The following GRM5 variants were observed in gnomAD, a reference collection of about 807,000 sequenced individuals.
The protein encoded by GRM5 is metabotropic glutamate receptor 5.
GRM5 carries 19 observed loss-of-function variants against 83.1 expected under a neutral mutation model. The ratio of observed to expected loss-of-function variants is 0.23; its 90% CI spans 0.16 to 0.34. GRM5 has a LOEUF of 0.34. Among genes scored for constraint, GRM5 ranks in the 10% least tolerant of loss-of-function variants. The pLI is 1.00. For missense variants in GRM5, 1,160 were observed against 1,588.3 expected, an observed-to-expected ratio of 0.73 and a Z score of 4.58; for synonymous variants, 675 against 633.6, an observed-to-expected ratio of 1.07 and a Z score of -0.98.
At chr11:88,791,868 G>T (rs1013582849) in intron 3 of GRM5, among the ~76,000 whole-genome samples, 1 of 151,846 alleles carries the variant, frequency 6.6e-6, no homozygotes, top group African/African-American at 2.4e-5. Context: ...AAATTCATTT[G>T]GTTTTCACTG....
chr11:88,532,453 C>T (rs1942034546), intron 8 of GRM5, among the ~76,000 whole-genome samples: 1 of 152,030 alleles, frequency 6.6e-6, no homozygotes, highest in Admixed American at 6.5e-5. Flanking sequence ...TACAGAAAAT[C>T]CTATAAGGGA....
chr11:88,936,475 T>G (rs1184037886), intron 2 of GRM5, among the ~76,000 whole-genome samples: 1 of 151,706 alleles, frequency 6.6e-6, no homozygotes, highest in East Asian at 1.9e-4. Context: ...TCTCATACTT[T>G]CTTCTGTTTA....
At chr11:89,021,786 G>T (rs1360539963) in intron 2 of GRM5, among the ~76,000 whole-genome samples, 2 of 152,040 alleles carry the variant, frequency 1.3e-5, no homozygotes, top group Admixed American at 6.5e-5. Flanking sequence ...TCTATGATGG[G>T]GTTATAACGT....
chr11:88,653,063 G>A (rs1421246545), intron 4 of GRM5, 105 bp downstream of exon 4: 2 of 705,022 alleles, frequency 2.8e-6, no homozygotes, highest in East Asian at 5.3e-5. Context: ...ACTTATGTAA[G>A]AGTCCTCCCT....
In GRM5 at chr11:88,637,430, T is replaced by G. The variant is rs191523588; in HGVS notation, c.1147+15738A>C. On this transcript the variant is annotated intron_variant, in intron 4 of 9. Transcript: ENST00000305447. ...TCTGACAAAGGGCTAATATCCAGAA[T>G]CTACAGTGAACTCAAACAAATTTAC... Among the ~76,000 whole-genome samples, 800 of 152,090 alleles carry G rather than the reference T, an allele frequency of 5.3e-3. 6 individuals carry two copies. The highest frequency in any genetic ancestry group is 7.9e-3 in the Non-Finnish European group (540 of 67,976).
intron 2 of GRM5, among the ~76,000 whole-genome samples, chr11:88,893,777 C>T (rs1454183120): frequency 1.3e-5 from 2 of 151,928 alleles, no homozygotes; most frequent in Non-Finnish European, 2.9e-5. Flanking sequence ...CTGCTGTTCC[C>T]CACATGACGT....
chr11:88,663,047 T>G (rs1939947410), intron 3 of GRM5, among the ~76,000 whole-genome samples: 1 of 152,212 alleles, frequency 6.6e-6, no homozygotes, highest in Non-Finnish European at 1.5e-5. Flanking sequence ...TTATAATTTG[T>G]TACACAGCAA....
Position 88,842,602 on chromosome 11 carries a change from ACT to A in GRM5, c.911+7302_911+7303del, listed in dbSNP as rs889558020. Among the ~76,000 whole-genome samples the A allele has an allele frequency of 5.9e-5, 9 of 152,088 alleles. No individual in the cohort carries two copies. In the East Asian group the frequency reaches 1.7e-3, roughly 29 times the overall value. On this transcript the variant is annotated intron_variant, in intron 3 of 9. Transcript: ENST00000305447. Reference sequence around the variant, plus strand: ...GACACTGGTGGTCTTGCCTGTAAATACTCTCTTCCATTGGCTTGGATGACACA... The same window carrying A: ...GACACTGGTGGTCTTGCCTGTAAATACTCTTCCATTGGCTTGGATGACACA...
intron 2 of GRM5, among the ~76,000 whole-genome samples, chr11:88,867,857 A>T (rs947393250): frequency 6.6e-6 from 1 of 151,894 alleles, no homozygotes; most frequent in African/African-American, 2.4e-5. Context: ...TTTACGAACC[A>T]CTGAGTCTAT....
chr11:88,958,727 T>C, intron 2 of GRM5, among the ~76,000 whole-genome samples: 1 of 152,168 alleles, frequency 6.6e-6, no homozygotes. Flanking sequence ...CAAATGACTT[T>C]TGTTTATGTG....
chr11:88,568,998 T>G (rs1412882385), intron 7 of GRM5, among the ~76,000 whole-genome samples: 2 of 152,226 alleles, frequency 1.3e-5, no homozygotes, highest in African/African-American at 4.8e-5. Flanking sequence ...AGTGACAGAA[T>G]ATAGCATCAT....
intron 2 of GRM5, among the ~76,000 whole-genome samples, chr11:89,000,190 T>C (rs963299439): frequency 3.9e-5 from 6 of 152,084 alleles, no homozygotes; most frequent in African/African-American, 1.4e-4. Context: ...TATACATATG[T>C]AACAAACCTG....
chr11:88,720,787 A>C (rs1330949808), intron 3 of GRM5, among the ~76,000 whole-genome samples: 1 of 143,102 alleles, frequency 7.0e-6, no homozygotes, highest in African/African-American at 2.7e-5. Flanking sequence ...TTGCAGGAAA[A>C]TCATTACTCT....
At chr11:88,858,913 T>TA (rs1944517630) in intron 2 of GRM5, among the ~76,000 whole-genome samples, 1 of 151,824 alleles carries the variant, frequency 6.6e-6, no homozygotes, top group South Asian at 2.1e-4. Context: ...CAATAATAGA[T>TA]AAAAGTGTAG....
At chr11:88,989,499 C>T (rs1424157284) in intron 2 of GRM5, among the ~76,000 whole-genome samples, 2 of 127,442 alleles carry the variant, frequency 1.6e-5, no homozygotes, top group Non-Finnish European at 3.4e-5. Context: ...CTCAGCTCTG[C>T]ACCAAGCGGA....
intron 2 of GRM5, among the ~76,000 whole-genome samples, chr11:88,907,357 T>C (rs1945422295): frequency 1.3e-5 from 2 of 152,032 alleles, no homozygotes; most frequent in Admixed American, 6.6e-5. Context: ...TTGCCTTCCA[T>C]GCCCCCACTC....
At chr11:88,977,683 T>G (rs2135016979) in intron 2 of GRM5, among the ~76,000 whole-genome samples, 2 of 152,360 alleles carry the variant, frequency 1.3e-5, no homozygotes, top group Middle Eastern at 3.4e-3. Context: ...GAAGCACATT[T>G]CTGCAAGTGA....
At chr11:88,566,473 T>C (rs887904159) in intron 8 of GRM5, among the ~76,000 whole-genome samples, 1 of 152,188 alleles carries the variant, frequency 6.6e-6, no homozygotes, top group African/African-American at 2.4e-5. Context: ...GTCACTTTGT[T>C]GTTTTGCCCT....
At chr11:89,023,084 C>T (rs1047621013) in intron 2 of GRM5, among the ~76,000 whole-genome samples, 2 of 151,962 alleles carry the variant, frequency 1.3e-5, no homozygotes, top group Non-Finnish European at 2.9e-5. Flanking sequence ...TGGAAAGTTA[C>T]TGTATCACTG....
Sources: gnomAD v4.1 joint callset for allele counts (sites outside exome capture counted in the v4.1 genomes callset) on GRCh38, gnomAD v4.1.1 for gene constraint, MANE v1.5 for transcripts, NCBI Gene and HGNC (gene_info 2026-07-23, HGNC 2026-07-21) for gene names.